EPS15L1: variants seen among roughly 807,000 people sequenced by gnomAD.
EPS15L1 encodes epidermal growth factor receptor substrate 15-like 1.
EPS15L1 carries 43 observed loss-of-function variants against 117.1 expected under a neutral mutation model. That is an observed-to-expected ratio of 0.37 (90% confidence interval 0.29 to 0.47). EPS15L1 has a LOEUF of 0.47. EPS15L1 is among the 20% of genes least tolerant of loss of function. The pLI is 0.99. For missense variants in EPS15L1, 981 were observed against 1,164.0 expected, an observed-to-expected ratio of 0.84 and a Z score of 2.29; for synonymous variants, 459 against 470.5, an observed-to-expected ratio of 0.98 and a Z score of 0.32.
intron 13 of EPS15L1, chr19:16,413,543 G>A: frequency 1.4e-6 from 1 of 725,454 alleles, no homozygotes; most frequent in South Asian, 1.7e-5. Flanking sequence ...TCTCCATGCA[G>A]AGCACCCAGG....
intron 1 of EPS15L1, among the ~76,000 whole-genome samples, chr19:16,446,131 C>T (rs905152114): frequency 1.3e-5 from 2 of 152,306 alleles, no homozygotes; most frequent in Middle Eastern, 3.4e-3. Context: ...CATCCTTCTG[C>T]TCTGAAGGCT....
intron 2 of EPS15L1, 27 bp from the exon 3 acceptor site, chr19:16,442,008 T>A (rs1330701134): frequency 3.1e-6 from 5 of 1,595,932 alleles, no homozygotes. Flanking sequence ...AGAGGCAAAA[T>A]AACTTTTCAG....
At chr19:16,366,965 C>T (rs747947867) in intron 22 of EPS15L1, among the ~76,000 whole-genome samples, 1 of 152,114 alleles carries the variant, frequency 6.6e-6, no homozygotes, top group Non-Finnish European at 1.5e-5. Flanking sequence ...TTATCTCAAA[C>T]GTGACAAAGT....
chr19:16,453,721 G>GA (rs140940408), intron 1 of EPS15L1, among the ~76,000 whole-genome samples: 6,094 of 147,158 alleles, frequency 0.041, 165 homozygotes, highest in African/African-American at 0.083. Context: ...TCAAAAAAAA[G>GA]AAAAAAAAAA....
intron 23 of EPS15L1, chr19:16,356,317 C>CTT (rs968250132): frequency 1.0e-4 from 15 of 150,086 alleles, no homozygotes; most frequent in South Asian, 3.8e-4. Flanking sequence ...TTTTCTTTTT[C>CTT]TTTTTTTTTT....
chr19:16,429,957 A>C (rs2092912143), intron 7 of EPS15L1, among the ~76,000 whole-genome samples: 1 of 152,158 alleles, frequency 6.6e-6, no homozygotes, highest in Non-Finnish European at 1.5e-5. Context: ...GCCTTGACCC[A>C]CCAGATGCCA....
intron 7 of EPS15L1, among the ~76,000 whole-genome samples, chr19:16,430,883 C>T (rs992670999): frequency 6.6e-6 from 1 of 152,220 alleles, no homozygotes; most frequent in Non-Finnish European, 1.5e-5. Flanking sequence ...TGTGCACACA[C>T]AGATGAATGG....
chr19:16,453,599 G>A (rs144959343), intron 1 of EPS15L1, among the ~76,000 whole-genome samples: 1 of 152,166 alleles, frequency 6.6e-6, no homozygotes, highest in East Asian at 1.9e-4. Context: ...TGCAGTCCCA[G>A]CTACTCGGGA....
intron 10 of EPS15L1, among the ~76,000 whole-genome samples, chr19:16,419,017 C>T (rs1010335907): frequency 2.6e-5 from 4 of 152,220 alleles, no homozygotes; most frequent in African/African-American, 9.6e-5. Context: ...GGCATGGCCA[C>T]AATGCACAGG....
At position 16,361,888 on chromosome 19, in the gene EPS15L1, T is replaced by C. The variant is rs1352378290; in HGVS notation, c.2477A>G (p.Gln826Arg). 6.2e-7 allele frequency: 1 copy of C among 1,614,058 alleles called. No individual in the cohort carries two copies. Among genetic ancestry groups the C allele is most frequent in the East Asian group, 2.2e-5 (1 of 44,890 alleles). ...CGGGTCCCCAAACCCCTTTTTACTT[T>C]GGAACGGGTCGCCGCTGTCAGCCCC... ...PLGADSGDPF[Q>R]SKKGFGDPFS... Residue 826 changes from glutamine to arginine, a missense_variant, in exon 23 of 24, where the codon CAA becomes CGA. Physicochemically the swap from Gln to Arg is conservative, Grantham distance 43. Transcript: ENST00000455140.
chr19:16,421,050 T>G (rs1369399906), intron 10 of EPS15L1, among the ~76,000 whole-genome samples: 1 of 152,234 alleles, frequency 6.6e-6, no homozygotes, highest in Non-Finnish European at 1.5e-5. Flanking sequence ...GGCCCAGCTG[T>G]GTAAGCAAAT....
At chr19:16,444,547 C>T (rs1266144490) in intron 1 of EPS15L1, among the ~76,000 whole-genome samples, 7 of 152,098 alleles carry the variant, frequency 4.6e-5, no homozygotes, top group Non-Finnish European at 1.0e-4. Flanking sequence ...AGAAAGGAGG[C>T]CAAGGCAGGC....
intron 7 of EPS15L1, 113 bp from the exon 8 acceptor site, chr19:16,428,874 G>T: frequency 1.3e-6 from 1 of 773,556 alleles, no homozygotes; most frequent in East Asian, 2.7e-5. Context: ...TCAGGAGACG[G>T]CAGTCAATAT....
chr19:16,396,650 C>T (rs2092543602), intron 16 of EPS15L1, among the ~76,000 whole-genome samples: 2 of 152,188 alleles, frequency 1.3e-5, no homozygotes, highest in South Asian at 4.2e-4. Context: ...ACTCAAATGT[C>T]CATCGATGAA....
intron 22 of EPS15L1, among the ~76,000 whole-genome samples, chr19:16,363,779 C>A (rs1000849517): frequency 6.6e-6 from 1 of 152,254 alleles, no homozygotes; most frequent in African/African-American, 2.4e-5. Context: ...CGTAGCCCCC[C>A]CTTGCCTGTA....
intron 19 of EPS15L1, among the ~76,000 whole-genome samples, chr19:16,387,274 G>C (rs1208394263): frequency 6.6e-6 from 1 of 152,190 alleles, no homozygotes; most frequent in Admixed American, 6.5e-5. Context: ...GACCAGCCTG[G>C]ACAACATGGC....
At chr19:16,454,309 G>C (rs1326186344) in intron 1 of EPS15L1, among the ~76,000 whole-genome samples, 1 of 152,114 alleles carries the variant, frequency 6.6e-6, no homozygotes, top group African/African-American at 2.4e-5. Flanking sequence ...ATGAGAAGGG[G>C]GCAATCTAGC....
intron 12 of EPS15L1, 40 bp downstream of exon 12, chr19:16,417,511 GT>G: frequency 6.6e-7 from 1 of 1,521,930 alleles, no homozygotes. Flanking sequence ...GAGAGTTCGT[GT>G]AACATCTGGA....
At chr19:16,399,681 G>GTTT (rs5827337) in intron 16 of EPS15L1, among the ~76,000 whole-genome samples, 3 of 139,502 alleles carry the variant, frequency 2.2e-5, no homozygotes, top group African/African-American at 5.3e-5. Context: ...GCTTTTTGGG[G>GTTT]TTTTTTTTTT....
Sources: gnomAD v4.1 joint callset for allele counts (sites outside exome capture counted in the v4.1 genomes callset) on GRCh38, gnomAD v4.1.1 for gene constraint, MANE v1.5 for transcripts, NCBI Gene and HGNC (gene_info 2026-07-23, HGNC 2026-07-21) for gene names.